Variants in DNAH3 observed in about 807,000 individuals in gnomAD.
DNAH3 encodes the protein dynein axonemal heavy chain 3, also known as axonemal beta dynein heavy chain 3.
In DNAH3, 332 loss-of-function variants were observed where a neutral mutation model predicts 432.5. The ratio of observed to expected loss-of-function variants is 0.77; its 90% confidence interval spans 0.70 to 0.84. DNAH3 has a LOEUF of 0.84. Among genes scored for constraint, DNAH3 ranks in the 40% least tolerant of loss-of-function variants. DNAH3 has a pLI of 0.00. For synonymous variants in DNAH3, 1,956 were observed against 1,900.2 expected (o/e 1.03, Z -0.76); for missense variants, 4,861 against 5,114.0 (o/e 0.95, Z 1.51).
Position 21,062,530 on chromosome 16 carries a change from T to C in DNAH3, c.3672A>G (p.Glu1224=). ...TCTGTATGAATGGAACAGTTTCTTTTTCCGAGCTGATCATGCCCACAATTT... is the reference window on the plus strand; with the variant it reads ...TCTGTATGAATGGAACAGTTTCTTTCTCCGAGCTGATCATGCCCACAATTT... The change falls in exon 25 of 62, where the codon GAA becomes GAG. Residue 1224 remains glutamate, a synonymous_variant. Coordinates refer to ENST00000261383, the Ensembl canonical transcript of DNAH3. 1.9e-6 allele frequency: 3 copies of C among 1,614,204 alleles called. No homozygotes were observed. The South Asian group carries it at 3.3e-5, about 18-fold the overall frequency.
chr16:21,010,613 T>G lies in DNAH3; in HGVS notation c.6023-7406A>C, dbSNP rs1350656736. 2.6e-5 allele frequency among the ~76,000 whole-genome samples: 4 copies of G among 152,196 alleles called. No individual in the cohort carries two copies. In the East Asian group the frequency reaches 7.7e-4, roughly 29 times the overall value. Reference sequence around the variant, plus strand: ...AGCACTTATTTGAGAGATCCATTTATGCCATGTCTTGCATATCATGAAAAT... The same window carrying G: ...AGCACTTATTTGAGAGATCCATTTAGGCCATGTCTTGCATATCATGAAAAT... On this transcript the variant is annotated intron_variant, in intron 41 of 61. Transcript: ENST00000261383.
intron 18 of DNAH3, among the ~76,000 whole-genome samples, 169 bp downstream of exon 18, chr16:21,097,186 T>C (rs1409976390): frequency 1.3e-5 from 2 of 152,170 alleles, no homozygotes; most frequent in Non-Finnish European, 2.9e-5. Flanking sequence ...CCACCTTCCA[T>C]TTTTATTATC....
At position 21,067,422 on chromosome 16, in the gene DNAH3, G is replaced by T; in HGVS notation, c.3382-3C>A. ...ACCAGAATCCTGTTATCTTTCACCT[G>T]GGTTCCATCAAAAAAAGTGAGACTC... On this transcript the variant is annotated splice_region_variant and splice_polypyrimidine_tract_variant and intron_variant, in intron 23 of 61. Transcript: ENST00000261383. The T allele has an allele frequency of 6.2e-7, 1 of 1,613,304 alleles. No individual in the cohort carries two copies. Among genetic ancestry groups the T allele is most frequent in the East Asian group, 2.2e-5 (1 of 44,848 alleles).
intron 40 of DNAH3, among the ~76,000 whole-genome samples, chr16:21,020,397 A>ATTTTTTTTTTTTTTTTTT (rs56049638): frequency 2.9e-5 from 1 of 34,594 alleles, no homozygotes; most frequent in African/African-American, 1.2e-4. Context: ...ATATATATAT[A>ATTTTTTTTTTTTTTTTTT]TTTTTTTTTT....
At chr16:20,945,651 C>T (rs936461496) in intron 57 of DNAH3, among the ~76,000 whole-genome samples, 7 of 152,036 alleles carry the variant, frequency 4.6e-5, no homozygotes, top group Non-Finnish European at 7.4e-5. Flanking sequence ...CCATCATGCC[C>T]GGCTAATTTT....
At chr16:21,049,052 G>A (rs563488424) in intron 31 of DNAH3, among the ~76,000 whole-genome samples, 1 of 151,722 alleles carries the variant, frequency 6.6e-6, no homozygotes, top group African/African-American at 2.4e-5. Context: ...GGAATGCAGT[G>A]GCGGCATCAA....
chr16:21,004,943 G>T (rs1300434949), intron 41 of DNAH3, among the ~76,000 whole-genome samples: 1 of 151,952 alleles, frequency 6.6e-6, no homozygotes, highest in Non-Finnish European at 1.5e-5. Context: ...CTTTCACTTT[G>T]TCAGGGTTCA....
intron 40 of DNAH3, among the ~76,000 whole-genome samples, chr16:21,020,652 C>T (rs573452157): frequency 9.0e-4 from 136 of 151,714 alleles, no homozygotes; most frequent in African/African-American, 3.1e-3. Flanking sequence ...GATCCACCCA[C>T]CTCAACTTCC....
chr16:20,949,695 G>C (rs1018675393), intron 56 of DNAH3, among the ~76,000 whole-genome samples: 1 of 152,188 alleles, frequency 6.6e-6, no homozygotes, highest in Admixed American at 6.6e-5. Context: ...ATTACAACGA[G>C]CAAAGACTCT....
intron 30 of DNAH3, 46 bp from the exon 31 acceptor site, chr16:21,049,728 C>T (rs2089872211): frequency 4.5e-6 from 7 of 1,558,800 alleles, no homozygotes; most frequent in Non-Finnish European, 6.2e-6. Flanking sequence ...GGATTCCATC[C>T]CATCTGAATT....
At chr16:21,118,843 C>A (rs1305157846) in intron 11 of DNAH3, among the ~76,000 whole-genome samples, 1 of 152,212 alleles carries the variant, frequency 6.6e-6, no homozygotes, top group Non-Finnish European at 1.5e-5. Flanking sequence ...ACTTGCATGG[C>A]TCATGCAGGC....
chr16:20,975,532 T>C (rs1358715616), intron 50 of DNAH3, 117 bp from the exon 51 acceptor site: 4 of 991,584 alleles, frequency 4.0e-6, no homozygotes, highest in African/African-American at 3.2e-5. Flanking sequence ...CTAATGATTT[T>C]GACATGGTCC....
intron 3 of DNAH3, among the ~76,000 whole-genome samples, chr16:21,141,578 C>T (rs1034229001): frequency 9.2e-5 from 14 of 152,192 alleles, no homozygotes; most frequent in African/African-American, 3.1e-4. Flanking sequence ...TTCATCACTC[C>T]GGACCTCAGC....
exon 11 of DNAH3, chr16:21,120,776 C>T (rs776747501): frequency 5.0e-6 from 8 of 1,614,164 alleles, no homozygotes; most frequent in Non-Finnish European, 6.8e-6. Flanking sequence ...ATGCTGGGCT[C>T]TCCTGGCTCA....
At chr16:21,044,217 T>C (rs1203323968) in intron 31 of DNAH3, among the ~76,000 whole-genome samples, 1 of 120,994 alleles carries the variant, frequency 8.3e-6, no homozygotes, top group East Asian at 2.7e-4. Context: ...AAGAAAGTCA[T>C]TGGTAGCTTG....
intron 54 of DNAH3, among the ~76,000 whole-genome samples, chr16:20,956,607 CTTT>C (rs1469750369): frequency 2.0e-5 from 3 of 152,302 alleles, no homozygotes; most frequent in African/African-American, 4.8e-5. Flanking sequence ...ACTTTTTCTT[CTTT>C]GAGTGTGTCA....
At chr16:21,086,999 T>G (rs1472070313) in exon 19 of DNAH3, 3 of 1,614,226 alleles carry the variant, frequency 1.9e-6, no homozygotes, top group South Asian at 2.2e-5. Flanking sequence ...GTTTATACGT[T>G]GTCCTCCACA....
At chr16:20,975,560 C>T (rs930334978) in intron 50 of DNAH3, 145 bp from the exon 51 acceptor site, 1 of 783,018 alleles carries the variant, frequency 1.3e-6, no homozygotes, top group African/African-American at 1.7e-5. Context: ...AGATTCGTTT[C>T]CTAGTGATTA....
chr16:21,060,587 T>C lies in DNAH3; in HGVS notation c.3721-231A>G, dbSNP rs368350796. Among the ~76,000 whole-genome samples the C allele has an allele frequency of 6.2e-4, 91 of 146,528 alleles. 2 individuals are homozygous for C. Among genetic ancestry groups the C allele is most frequent in the African/African-American group, 2.2e-3 (86 of 39,904 alleles). ...GTCACCAGGCTGGAGTGCACTGTCATGATCTTGGCTCACTGCAACCTCCGA... is the reference window on the plus strand; with the variant it reads ...GTCACCAGGCTGGAGTGCACTGTCACGATCTTGGCTCACTGCAACCTCCGA... On this transcript the variant is annotated intron_variant, in intron 25 of 61. Transcript: ENST00000261383.
Sources: allele counts gnomAD v4.1 joint callset (sites outside exome capture counted in the v4.1 genomes callset), GRCh38; gene constraint gnomAD v4.1.1; transcripts MANE v1.5; gene names NCBI Gene and HGNC (gene_info 2026-07-23, HGNC 2026-07-21).